RIMS1: variants seen among roughly 807,000 people sequenced by gnomAD.
The protein encoded by RIMS1 is regulating synaptic membrane exocytosis 1.
A neutral mutation model predicts 214.1 loss-of-function variants in RIMS1; 83 were observed. The ratio of observed to expected loss-of-function variants is 0.39; its 90% confidence interval spans 0.32 to 0.47. RIMS1 has a LOEUF of 0.47. RIMS1 is among the 20% of genes least tolerant of loss of function. The pLI, the probability that RIMS1 is intolerant of heterozygous loss-of-function variation, is 0.99. For missense variants in RIMS1, 2,050 were observed against 2,161.8 expected (o/e 0.95, Z 1.03); for synonymous variants, 793 against 786.8 (o/e 1.01, Z -0.13).
intron 22 of RIMS1, among the ~76,000 whole-genome samples, chr6:72,271,765 T>C (rs574653662): frequency 6.6e-6 from 1 of 152,340 alleles, no homozygotes; most frequent in East Asian, 1.9e-4. Flanking sequence ...CATTATTCTT[T>C]ATCCCCAAAG....
intron 2 of RIMS1, among the ~76,000 whole-genome samples, chr6:72,002,576 C>T (rs942209442): frequency 2.6e-5 from 4 of 152,082 alleles, no homozygotes; most frequent in Admixed American, 2.0e-4. Flanking sequence ...GGGAAGCATG[C>T]GTGGCAGCCT....
At chr6:72,236,296 C>A (rs2063998093) in intron 8 of RIMS1, among the ~76,000 whole-genome samples, 1 of 152,080 alleles carries the variant, frequency 6.6e-6, no homozygotes, top group Non-Finnish European at 1.5e-5. Flanking sequence ...GTCTTATGGG[C>A]ATAGATACAT....
chr6:72,273,790 G>A (rs915404936), intron 22 of RIMS1, among the ~76,000 whole-genome samples: 1 of 152,122 alleles, frequency 6.6e-6, no homozygotes, highest in African/African-American at 2.4e-5. Context: ...GAATTCACTT[G>A]TAGTTTTCCC....
At chr6:72,377,832 T>C (rs2098417398) in intron 29 of RIMS1, among the ~76,000 whole-genome samples, 2 of 152,172 alleles carry the variant, frequency 1.3e-5, no homozygotes, top group African/African-American at 4.8e-5. Flanking sequence ...CTTTAGGAGA[T>C]CATCAAACTT....
At chr6:72,150,789 G>C (rs1185943658) in intron 4 of RIMS1, among the ~76,000 whole-genome samples, 1 of 151,972 alleles carries the variant, frequency 6.6e-6, no homozygotes, top group African/African-American at 2.4e-5. Flanking sequence ...TACTTTTCAG[G>C]CTTCCCCTCA....
In RIMS1 at chr6:72,182,873, G is replaced by T; in HGVS notation, c.1402G>T (p.Glu468Ter). The change falls in exon 6 of 34, where the codon GAG becomes TAG. Residue 468 changes from glutamate to a stop codon, truncating the protein, a stop_gained. Transcript: ENST00000521978. LOFTEE classifies it high-confidence loss of function. Reference protein sequence around the residue: ...PAEAPELKAQEPLRKQSRLDP... With the variant: ...PAEAPELKAQ Reference sequence around the variant, plus strand: ...AGAAGCCCCGGAGCTCAAAGCCCAGGAGCCCCTCAGGAAGCAGAGCCGCCT... The same window carrying T: ...AGAAGCCCCGGAGCTCAAAGCCCAGTAGCCCCTCAGGAAGCAGAGCCGCCT... The T allele has an allele frequency of 6.4e-7, 1 of 1,562,672 alleles. No individual in the cohort carries two copies.
At chr6:71,959,613 T>A (rs1792311153) in intron 1 of RIMS1, among the ~76,000 whole-genome samples, 1 of 152,074 alleles carries the variant, frequency 6.6e-6, no homozygotes, top group Non-Finnish European at 1.5e-5. Flanking sequence ...TATCCTTTTT[T>A]TTTTTAAAGT....
chr6:72,122,399 G>A lies in RIMS1; in HGVS notation c.471+22413G>A, dbSNP rs1033427284. Among the ~76,000 whole-genome samples, 19 of 151,232 alleles carry A rather than the reference G, an allele frequency of 1.3e-4. 2 individuals are homozygous for A. Among genetic ancestry groups the A allele is most frequent in the Non-Finnish European group, 2.5e-4 (17 of 67,698 alleles). On this transcript the variant is annotated intron_variant, in intron 4 of 33. Coordinates refer to ENST00000521978, the MANE Select transcript of RIMS1 (RefSeq NM_014989.7). Reference sequence around the variant, plus strand: ...TTTTTTGTATTTTTAGTAGAGACGGGGTTTCACCATGTTAGCCAGGATGGT... The same window carrying A: ...TTTTTTGTATTTTTAGTAGAGACGGAGTTTCACCATGTTAGCCAGGATGGT...
chr6:72,007,503 G>T (rs1808259540), intron 2 of RIMS1, among the ~76,000 whole-genome samples: 1 of 152,320 alleles, frequency 6.6e-6, no homozygotes, highest in East Asian at 1.9e-4. Context: ...AGAGAAGAAG[G>T]CTTCAGACAA....
At chr6:72,151,514 G>A in intron 4 of RIMS1, among the ~76,000 whole-genome samples, 1 of 152,088 alleles carries the variant, frequency 6.6e-6, no homozygotes, top group East Asian at 1.9e-4. Context: ...AATCTGATAG[G>A]GAAGAAAAAC....
At chr6:72,128,143 C>T (rs79165395) in intron 4 of RIMS1, among the ~76,000 whole-genome samples, 10,256 of 152,152 alleles carry the variant, frequency 0.067, 414 homozygotes, top group Non-Finnish European at 0.093. Context: ...TAGAGAGGGG[C>T]GCTATCTTCC....
At chr6:72,244,959 T>G (rs1184000736) in intron 10 of RIMS1, among the ~76,000 whole-genome samples, 1 of 152,022 alleles carries the variant, frequency 6.6e-6, no homozygotes, top group Non-Finnish European at 1.5e-5. Flanking sequence ...ATATGTCATG[T>G]TAATATTTGC....
At chr6:71,975,630 A>G (rs573105009) in intron 2 of RIMS1, among the ~76,000 whole-genome samples, 6 of 152,264 alleles carry the variant, frequency 3.9e-5, no homozygotes, top group African/African-American at 1.4e-4. Flanking sequence ...AGTACAATTT[A>G]GTGGTTTTCA....
At chr6:71,921,831 C>T (rs1780092757) in intron 1 of RIMS1, among the ~76,000 whole-genome samples, 1 of 152,162 alleles carries the variant, frequency 6.6e-6, no homozygotes, top group Non-Finnish European at 1.5e-5. Flanking sequence ...AGGAAACTGG[C>T]CACCACATCT....
intron 2 of RIMS1, among the ~76,000 whole-genome samples, chr6:72,094,230 C>T (rs569596246): frequency 2.0e-5 from 3 of 152,240 alleles, no homozygotes; most frequent in Admixed American, 2.0e-4. Flanking sequence ...GAACTATTTG[C>T]TAAACTGCAT....
In RIMS1 at chr6:72,170,959, A is replaced by G. The variant is rs1973104034; in HGVS notation, c.472-8616A>G. Among the ~76,000 whole-genome samples the G allele has an allele frequency of 2.0e-5, 3 of 152,152 alleles. No individual in the cohort carries two copies. The South Asian group carries it at 6.2e-4, about 32-fold the overall frequency. On this transcript the variant is annotated intron_variant, in intron 4 of 33. Transcript: ENST00000521978. ...TCAATCCTAACATAGAGTCTATGAAATCATTATTATTATTTTCCCTATTTT... is the reference window on the plus strand; with the variant it reads ...TCAATCCTAACATAGAGTCTATGAAGTCATTATTATTATTTTCCCTATTTT...
intron 8 of RIMS1, 148 bp from the exon 9 acceptor site, chr6:72,237,675 C>CAAAAA: frequency 5.8e-6 from 3 of 513,654 alleles, no homozygotes; most frequent in Non-Finnish European, 6.6e-6. Context: ...GATCCCATCT[C>CAAAAA]AAAAAAAAAA....
intron 1 of RIMS1, 147 bp from the exon 2 acceptor site, chr6:71,968,836 G>A (rs1176977779): frequency 4.5e-6 from 3 of 673,274 alleles, no homozygotes; most frequent in African/African-American, 3.6e-5. Flanking sequence ...CCAACTCCAA[G>A]GGCTTTGCTG....
chr6:72,300,407 T>C (rs1044413995), intron 26 of RIMS1, among the ~76,000 whole-genome samples: 15 of 151,842 alleles, frequency 9.9e-5, no homozygotes, highest in South Asian at 4.1e-4. Flanking sequence ...GAAAAGACTT[T>C]CAAAAATCAA....
Sources: allele counts gnomAD v4.1 joint callset (sites outside exome capture counted in the v4.1 genomes callset), GRCh38; gene constraint gnomAD v4.1.1; transcripts MANE v1.5; gene names NCBI Gene and HGNC (gene_info 2026-07-23, HGNC 2026-07-21).